The following GHR variants were observed in gnomAD, a reference collection of about 807,000 sequenced individuals.
GHR encodes the protein growth hormone receptor.
GHR carries 35 observed loss-of-function variants against 67.1 expected under a neutral mutation model. The ratio of observed to expected loss-of-function variants is 0.52; its 90% CI spans 0.40 to 0.69. The LOEUF is 0.69. Ranked by LOEUF, GHR falls within the 30% of genes least tolerant of loss-of-function variation. GHR has a pLI of 0.00. For synonymous variants in GHR, 272 were observed against 269.1 expected, an observed-to-expected ratio of 1.01 and a Z score of -0.10; for missense variants, 792 against 764.6, an observed-to-expected ratio of 1.04 and a Z score of -0.42.
chr5:42,471,193 T>C (rs766358276), intron 1 of GHR, among the ~76,000 whole-genome samples: 3 of 152,214 alleles, frequency 2.0e-5, no homozygotes, highest in African/African-American at 4.8e-5. Context: ...TAGCACTTTT[T>C]TGATTTGCTC....
chr5:42,664,365 A>G (rs1370439612), intron 3 of GHR, among the ~76,000 whole-genome samples: 2 of 152,234 alleles, frequency 1.3e-5, no homozygotes, highest in Admixed American at 1.3e-4. Flanking sequence ...TACAGTAACC[A>G]AAACAGCATG....
At chr5:42,682,543 T>C (rs1217354450) in intron 3 of GHR, among the ~76,000 whole-genome samples, 1 of 152,028 alleles carries the variant, frequency 6.6e-6, no homozygotes, top group African/African-American at 2.4e-5. Context: ...CACTAAGGAG[T>C]TGGACTTTAG....
intron 1 of GHR, among the ~76,000 whole-genome samples, chr5:42,499,667 T>G (rs1461805810): frequency 6.6e-6 from 1 of 152,152 alleles, no homozygotes; most frequent in Non-Finnish European, 1.5e-5. Context: ...CCTTGCTTGG[T>G]CACTTAGGGA....
chr5:42,700,563 C>T (rs544701837), intron 6 of GHR, among the ~76,000 whole-genome samples: 3 of 152,276 alleles, frequency 2.0e-5, no homozygotes, highest in South Asian at 2.1e-4. Context: ...CTGAATCCCT[C>T]TCTTCCTTAC....
chr5:42,611,751 C>G (rs1752902162), intron 2 of GHR, among the ~76,000 whole-genome samples: 1 of 152,122 alleles, frequency 6.6e-6, no homozygotes, highest in Non-Finnish European at 1.5e-5. Context: ...TCAGCTGGAA[C>G]TTGAATGATA....
At chr5:42,684,470 A>T (rs1211039721) in intron 3 of GHR, among the ~76,000 whole-genome samples, 1 of 152,260 alleles carries the variant, frequency 6.6e-6, no homozygotes, top group Non-Finnish European at 1.5e-5. Flanking sequence ...TTGTAGAAGG[A>T]CCTAAAATAG....
intron 1 of GHR, among the ~76,000 whole-genome samples, chr5:42,447,867 T>A (rs1743880711): frequency 6.6e-6 from 1 of 151,626 alleles, no homozygotes; most frequent in South Asian, 2.1e-4. Context: ...GCCTCCCAGG[T>A]TCAAGCAATT....
intron 2 of GHR, among the ~76,000 whole-genome samples, chr5:42,599,863 C>T (rs1444117910): frequency 3.3e-5 from 5 of 152,146 alleles, no homozygotes; most frequent in African/African-American, 1.2e-4. Flanking sequence ...TTAGATGGGG[C>T]AAACATTCTC....
At chr5:42,445,114 A>G (rs1282610753) in intron 1 of GHR, among the ~76,000 whole-genome samples, 1 of 152,220 alleles carries the variant, frequency 6.6e-6, no homozygotes, top group Non-Finnish European at 1.5e-5. Flanking sequence ...TTCATCGAAG[A>G]GCTATACATT....
intron 1 of GHR, among the ~76,000 whole-genome samples, chr5:42,489,895 T>C (rs2940942): frequency 0.17 from 26,361 of 152,150 alleles, 2,535 homozygotes; most frequent in Middle Eastern, 0.27. Context: ...CTAGTTAACT[T>C]TGAACTCTAA....
chr5:42,555,369 T>G (rs372930142), intron 1 of GHR, among the ~76,000 whole-genome samples: 47 of 152,244 alleles, frequency 3.1e-4, no homozygotes, highest in African/African-American at 1.1e-3. Flanking sequence ...AATATTATGG[T>G]GTCTACCTCT....
chr5:42,689,874 A>T (rs1268089585), intron 4 of GHR, among the ~76,000 whole-genome samples: 2 of 152,208 alleles, frequency 1.3e-5, no homozygotes, highest in African/African-American at 4.8e-5. Flanking sequence ...TCTTAAATAT[A>T]TTCAGTAAAA....
At chr5:42,553,532 A>G (rs1749148943) in intron 1 of GHR, among the ~76,000 whole-genome samples, 1 of 152,146 alleles carries the variant, frequency 6.6e-6, no homozygotes, top group African/African-American at 2.4e-5. Context: ...AGTCTCTCTG[A>G]CTTCCCCTTC....
At chr5:42,488,670 C>T (rs1454834363) in intron 1 of GHR, among the ~76,000 whole-genome samples, 23 of 152,048 alleles carry the variant, frequency 1.5e-4, no homozygotes, top group Non-Finnish European at 1.0e-4. Flanking sequence ...TTTTGTCTAC[C>T]TATTTTATCT....
At chr5:42,560,255 A>G (rs1450669185) in intron 1 of GHR, among the ~76,000 whole-genome samples, 1 of 152,094 alleles carries the variant, frequency 6.6e-6, no homozygotes, top group African/African-American at 2.4e-5. Flanking sequence ...GTGCAAGGGC[A>G]TAATCTCGGC....
At chr5:42,503,760 T>G (rs1746637682) in intron 1 of GHR, among the ~76,000 whole-genome samples, 1 of 152,040 alleles carries the variant, frequency 6.6e-6, no homozygotes, top group Admixed American at 6.6e-5. Flanking sequence ...ATATTTTATA[T>G]AAGATTGTCA....
chr5:42,715,124 C>G, intron 8 of GHR: 1 of 338,966 alleles, frequency 3.0e-6, no homozygotes, highest in South Asian at 2.3e-5. Context: ...TCAAAATCAC[C>G]AAATTCTACA....
chr5:42,599,165 G>C (rs1752233432), intron 2 of GHR, among the ~76,000 whole-genome samples: 1 of 152,090 alleles, frequency 6.6e-6, no homozygotes, highest in African/African-American at 2.4e-5. Flanking sequence ...GTGTAAACTT[G>C]GTCAATACCT....
At chr5:42,623,040 A>G (rs1030839960) in intron 2 of GHR, among the ~76,000 whole-genome samples, 2 of 152,190 alleles carry the variant, frequency 1.3e-5, no homozygotes, top group Non-Finnish European at 2.9e-5. Flanking sequence ...AGGAAAAGAC[A>G]TGTCCCTGCT....
Sources: gnomAD v4.1 joint callset for allele counts (sites outside exome capture counted in the v4.1 genomes callset) on GRCh38, gnomAD v4.1.1 for gene constraint, MANE v1.5 for transcripts, NCBI Gene and HGNC (gene_info 2026-07-23, HGNC 2026-07-21) for gene names.